Variants in DLGAP1 observed in about 807,000 individuals in gnomAD.
DLGAP1 encodes the protein disks large-associated protein 1.
DLGAP1 carries 11 observed loss-of-function variants against 90.8 expected under a neutral mutation model. The ratio of observed to expected loss-of-function variants is 0.12; its 90% CI spans 0.08 to 0.20. The LOEUF is 0.20. Ranked by LOEUF, DLGAP1 falls within the 10% of genes least tolerant of loss-of-function variation. DLGAP1 has a pLI of 1.00. For missense variants in DLGAP1, 1,050 were observed against 1,333.8 expected, an observed-to-expected ratio of 0.79 and a Z score of 3.31; for synonymous variants, 558 against 540.7, an observed-to-expected ratio of 1.03 and a Z score of -0.44.
At chr18:3,997,030 CTT>C (rs5822780) in intron 3 of DLGAP1, among the ~76,000 whole-genome samples, 2,354 of 85,958 alleles carry the variant, frequency 0.027, 550 homozygotes, top group Non-Finnish European at 0.035. Flanking sequence ...GCAGAGTTTT[CTT>C]TTTTTTTTTT....
At chr18:3,802,842 C>T (rs1035193444) in intron 5 of DLGAP1, among the ~76,000 whole-genome samples, 1 of 152,166 alleles carries the variant, frequency 6.6e-6, no homozygotes, top group African/African-American at 2.4e-5. Context: ...GACTTGGGTC[C>T]TAAACCTTGC....
At chr18:4,343,717 A>G (rs1045819314) in intron 1 of DLGAP1, among the ~76,000 whole-genome samples, 5 of 152,286 alleles carry the variant, frequency 3.3e-5, no homozygotes, top group Middle Eastern at 3.4e-3. Context: ...GTTGATGGGT[A>G]CAGCAAACCA....
chr18:3,688,193 G>A (rs894344077), intron 7 of DLGAP1, among the ~76,000 whole-genome samples: 3 of 152,082 alleles, frequency 2.0e-5, no homozygotes, highest in Admixed American at 6.6e-5. Context: ...TTACAGGTGT[G>A]AGCCACCGCA....
chr18:3,846,043 G>GTGTGTGT (rs2068990939), intron 4 of DLGAP1, among the ~76,000 whole-genome samples: 2 of 145,024 alleles, frequency 1.4e-5, no homozygotes, highest in African/African-American at 5.1e-5. Context: ...TTGAAAGTGT[G>GTGTGTGT]GTGTGTGTGT....
intron 1 of DLGAP1, among the ~76,000 whole-genome samples, chr18:4,380,576 G>A (rs889931751): frequency 6.6e-6 from 1 of 152,130 alleles, no homozygotes; most frequent in African/African-American, 2.4e-5. Context: ...AGCATACCAA[G>A]CTGAGCGCTT....
chr18:3,636,593 T>TTC (rs1476873700), intron 7 of DLGAP1, among the ~76,000 whole-genome samples: 1 of 150,860 alleles, frequency 6.6e-6, no homozygotes, highest in African/African-American at 2.4e-5. Flanking sequence ...TGTATTTTTT[T>TTC]TTAGTAGAGA....
chr18:4,077,405 G>C (rs577534568), intron 2 of DLGAP1, among the ~76,000 whole-genome samples: 1 of 152,258 alleles, frequency 6.6e-6, no homozygotes, highest in South Asian at 2.1e-4. Flanking sequence ...ACTGAAATTT[G>C]GTCCCCAGTG....
At chr18:4,113,308 G>A (rs757206442) in intron 2 of DLGAP1, among the ~76,000 whole-genome samples, 1 of 152,116 alleles carries the variant, frequency 6.6e-6, no homozygotes, top group Non-Finnish European at 1.5e-5. Flanking sequence ...CATTCTGAAT[G>A]GTGTGAGATG....
chr18:3,586,042 G>C (rs963943190), intron 7 of DLGAP1, among the ~76,000 whole-genome samples: 2 of 152,176 alleles, frequency 1.3e-5, no homozygotes, highest in Non-Finnish European at 2.9e-5. Flanking sequence ...CTTCGCTATC[G>C]ATAGGGATAA....
At chr18:3,919,664 T>C (rs914429851) in intron 3 of DLGAP1, among the ~76,000 whole-genome samples, 3 of 152,264 alleles carry the variant, frequency 2.0e-5, no homozygotes, top group Admixed American at 6.5e-5. Context: ...GATTGCATGT[T>C]ATCACAAGCC....
At chr18:3,989,507 A>T (rs1170172065) in intron 3 of DLGAP1, among the ~76,000 whole-genome samples, 1 of 152,216 alleles carries the variant, frequency 6.6e-6, no homozygotes, top group Non-Finnish European at 1.5e-5. Context: ...ATGAATCCAA[A>T]CAGGATGTGT....
intron 1 of DLGAP1, among the ~76,000 whole-genome samples, chr18:4,410,223 G>C (rs945543950): frequency 2.0e-5 from 3 of 152,074 alleles, no homozygotes; most frequent in Non-Finnish European, 4.4e-5. Context: ...TGGGTGATGG[G>C]TGCACCAGGT....
At chr18:3,606,142 G>A (rs769753140) in intron 7 of DLGAP1, among the ~76,000 whole-genome samples, 2 of 152,174 alleles carry the variant, frequency 1.3e-5, no homozygotes, top group Non-Finnish European at 2.9e-5. Context: ...TTCCTCAGAG[G>A]CACAGTGTGC....
At chr18:4,281,222 A>C (rs2079542686) in intron 1 of DLGAP1, among the ~76,000 whole-genome samples, 1 of 152,142 alleles carries the variant, frequency 6.6e-6, no homozygotes, top group Admixed American at 6.5e-5. Context: ...TTACAGCCTA[A>C]AGTTGTATTT....
intron 5 of DLGAP1, among the ~76,000 whole-genome samples, chr18:3,755,092 T>C (rs961213470): frequency 6.6e-6 from 1 of 152,138 alleles, no homozygotes; most frequent in Non-Finnish European, 1.5e-5. Context: ...TAGATTAAGA[T>C]AAGATACATA....
chr18:3,851,548 C>A (rs1355858794), intron 4 of DLGAP1, among the ~76,000 whole-genome samples: 1 of 152,100 alleles, frequency 6.6e-6, no homozygotes, highest in Non-Finnish European at 1.5e-5. Flanking sequence ...AAATTCAACT[C>A]ATTCAAATAG....
intron 5 of DLGAP1, among the ~76,000 whole-genome samples, chr18:3,753,560 C>CTTTA (rs2063588403): frequency 6.6e-6 from 1 of 152,144 alleles, no homozygotes; most frequent in Non-Finnish European, 1.5e-5. Flanking sequence ...TGATATATTG[C>CTTTA]TGAGAATCTA....
At position 3,530,664 on chromosome 18, in the gene DLGAP1, C is replaced by T. The variant is rs765533991; in HGVS notation, c.2479+3530G>A. ...ACTAAGACTTTCTTACTGAAAACTA[C>T]CCCTGCTCCCACTGCTGCTGAGACA... On this transcript the variant is annotated intron_variant, in intron 10 of 12. Transcript: ENST00000315677. Among the ~76,000 whole-genome samples, 179 of 152,178 alleles carry T rather than the reference C, an allele frequency of 1.2e-3. 1 individual carries two copies. The highest frequency in any genetic ancestry group is 2.0e-3 in the Non-Finnish European group (137 of 68,040).
At chr18:3,786,340 T>C (rs1007946733) in intron 5 of DLGAP1, among the ~76,000 whole-genome samples, 4 of 152,154 alleles carry the variant, frequency 2.6e-5, no homozygotes, top group Non-Finnish European at 4.4e-5. Flanking sequence ...ATGACGATGA[T>C]GATGACTAGA....
Sources: allele counts gnomAD v4.1 joint callset (sites outside exome capture counted in the v4.1 genomes callset), GRCh38; gene constraint gnomAD v4.1.1; transcripts MANE v1.5; gene names NCBI Gene and HGNC (gene_info 2026-07-23, HGNC 2026-07-21).